The following DAB1 variants were observed in gnomAD, a reference collection of about 807,000 sequenced individuals.
The protein encoded by DAB1 is disabled homolog 1.
DAB1 carries 15 observed loss-of-function variants against 64.6 expected under a neutral mutation model. The observed-to-expected ratio is 0.23, with a 90% CI of 0.16 to 0.36. DAB1 has a LOEUF of 0.36. Ranked by LOEUF, DAB1 falls within the 10% of genes least tolerant of loss-of-function variation. The pLI, the probability that DAB1 is intolerant of heterozygous loss-of-function variation, is 1.00. For synonymous variants in DAB1, 235 were observed against 251.9 expected (o/e 0.93, Z 0.64); for missense variants, 596 against 706.7 (o/e 0.84, Z 1.78).
At chr1:57,186,167 A>G (rs944078346) in intron 2 of DAB1, among the ~76,000 whole-genome samples, 3 of 152,210 alleles carry the variant, frequency 2.0e-5, no homozygotes, top group Non-Finnish European at 4.4e-5. Flanking sequence ...GGTTAGAATT[A>G]CTAACTAAAT....
chr1:57,937,459 C>G (rs1051102561), intron 5 of DAB1, among the ~76,000 whole-genome samples: 4 of 152,078 alleles, frequency 2.6e-5, no homozygotes, highest in African/African-American at 9.7e-5. Flanking sequence ...CCATGGGAAT[C>G]TAGAGCAACT....
intron 4 of DAB1, among the ~76,000 whole-genome samples, chr1:58,328,525 C>T (rs906303135): frequency 3.9e-5 from 6 of 152,210 alleles, no homozygotes; most frequent in African/African-American, 1.4e-4. Flanking sequence ...AGCCACACTC[C>T]CTGTGCTCCT....
rs189268959 is a variant in DAB1 at position 58,521,436 on chromosome 1, A to T, written n.107+5825T>A. Among the ~76,000 whole-genome samples, 52 of 152,162 alleles carry T rather than the reference A, an allele frequency of 3.4e-4. 2 individuals carry two copies. In the East Asian group the frequency reaches 9.7e-3, roughly 28 times the overall value. On this transcript the variant is annotated intron_variant and non_coding_transcript_variant, in intron 2 of 20. Transcript: ENST00000485760. Reference sequence around the variant, plus strand: ...ATGCAGAATAAAATAATGAAAAAAAATGGTAACTGACATAACAGAAAACAA... The same window carrying T: ...ATGCAGAATAAAATAATGAAAAAAATTGGTAACTGACATAACAGAAAACAA...
chr1:58,516,924 G>T (rs1397041667), intron 2 of DAB1, among the ~76,000 whole-genome samples: 1 of 152,162 alleles, frequency 6.6e-6, no homozygotes, highest in East Asian at 1.9e-4. Context: ...GAGGAAGCCA[G>T]GCTGTAATCA....
chr1:57,473,640 A>C (rs1236474556), intron 7 of DAB1, among the ~76,000 whole-genome samples: 2 of 152,220 alleles, frequency 1.3e-5, no homozygotes, highest in Non-Finnish European at 2.9e-5. Context: ...AGCTATTATC[A>C]TATTACTAGT....
intron 4 of DAB1, among the ~76,000 whole-genome samples, chr1:58,303,284 G>A: frequency 6.6e-6 from 1 of 152,060 alleles, no homozygotes; most frequent in African/African-American, 2.4e-5. Context: ...GCTGCTTCCT[G>A]CTGTTGCTAA....
At chr1:58,162,171 C>A (rs965256572) in intron 4 of DAB1, among the ~76,000 whole-genome samples, 2 of 152,052 alleles carry the variant, frequency 1.3e-5, no homozygotes, top group Non-Finnish European at 2.9e-5. Context: ...GCAGATCTTG[C>A]CCTTAAAGTA....
chr1:58,031,219 G>A (rs573449220), intron 5 of DAB1, among the ~76,000 whole-genome samples: 4 of 152,280 alleles, frequency 2.6e-5, no homozygotes, highest in Non-Finnish European at 4.4e-5. Context: ...GCCAGAGCAC[G>A]GAGACAGAAG....
At chr1:57,244,280 G>C (rs1668707476) in intron 2 of DAB1, among the ~76,000 whole-genome samples, 1 of 152,134 alleles carries the variant, frequency 6.6e-6, no homozygotes, top group Non-Finnish European at 1.5e-5. Flanking sequence ...TTCTGTCTTT[G>C]TACTCCAAAC....
chr1:58,302,455 A>C (rs1662194878), intron 4 of DAB1, among the ~76,000 whole-genome samples: 1 of 152,064 alleles, frequency 6.6e-6, no homozygotes, highest in Non-Finnish European at 1.5e-5. Flanking sequence ...GACCCAGAAA[A>C]CTGCTCATGC....
At position 57,990,616 on chromosome 1, in the gene DAB1, G is replaced by A. The variant is rs1570181625; in HGVS notation, n.388-106454C>T. Among the ~76,000 whole-genome samples, 4 of 152,272 alleles carry A rather than the reference G, an allele frequency of 2.6e-5. No individual in the cohort carries two copies. In the East Asian group the frequency reaches 7.7e-4, roughly 29 times the overall value. On this transcript the variant is annotated intron_variant and non_coding_transcript_variant, in intron 5 of 20. Transcript: ENST00000485760. ...ATGACATGCATGTTCTGTCCACAAG[G>A]CCTGTTGCTGCCTTTCCCCCAGAGG... is the stretch of plus-strand genomic sequence containing the variant.
At chr1:57,658,801 C>T (rs1325883982) in intron 6 of DAB1, among the ~76,000 whole-genome samples, 1 of 152,102 alleles carries the variant, frequency 6.6e-6, no homozygotes, top group Non-Finnish European at 1.5e-5. Context: ...AACTCCTGGC[C>T]CCAAGCAGAT....
chr1:57,124,399 A>T (rs1444205247), intron 4 of DAB1, among the ~76,000 whole-genome samples: 1 of 152,164 alleles, frequency 6.6e-6, no homozygotes, highest in Non-Finnish European at 1.5e-5. Context: ...AGTATCTCAG[A>T]GTCTCAGACA....
At chr1:57,022,390 A>G (rs962937106) in intron 11 of DAB1, among the ~76,000 whole-genome samples, 2 of 152,224 alleles carry the variant, frequency 1.3e-5, no homozygotes, top group African/African-American at 2.4e-5. Context: ...ACTAGTCATC[A>G]TCACTATCCC....
At chr1:58,518,348 GA>G in intron 2 of DAB1, among the ~76,000 whole-genome samples, 2 of 117,776 alleles carry the variant, frequency 1.7e-5, no homozygotes, top group Non-Finnish European at 3.5e-5. Flanking sequence ...GAGAAGAGAA[GA>G]GAAGGGAAGG....
intron 7 of DAB1, among the ~76,000 whole-genome samples, chr1:57,538,951 G>C (rs575473880): frequency 2.0e-4 from 31 of 152,324 alleles, no homozygotes; most frequent in Non-Finnish European, 3.4e-4. Flanking sequence ...CAGGGAACAA[G>C]GGGCAAAATG....
intron 6 of DAB1, among the ~76,000 whole-genome samples, chr1:57,778,545 G>T (rs1347574047): frequency 6.6e-6 from 1 of 151,924 alleles, no homozygotes; most frequent in African/African-American, 2.4e-5. Context: ...CTAGTTGTTT[G>T]TAGTACAAGG....
At chr1:58,507,418 A>G (rs1646006250) in intron 2 of DAB1, among the ~76,000 whole-genome samples, 1 of 151,986 alleles carries the variant, frequency 6.6e-6, no homozygotes, top group African/African-American at 2.4e-5. Context: ...TTCTTAACAA[A>G]TACCATTAAA....
chr1:57,781,340 G>C (rs1001960075), intron 6 of DAB1, among the ~76,000 whole-genome samples: 20 of 151,394 alleles, frequency 1.3e-4, no homozygotes, highest in African/African-American at 4.4e-4. Flanking sequence ...TGAAGAATCT[G>C]GTATTATGGT....
Sources: allele counts gnomAD v4.1 joint callset (sites outside exome capture counted in the v4.1 genomes callset), GRCh38; gene constraint gnomAD v4.1.1; transcripts MANE v1.5; gene names NCBI Gene and HGNC (gene_info 2026-07-23, HGNC 2026-07-21).